Variants in GABRB1 observed in about 807,000 individuals in gnomAD.
The protein encoded by GABRB1 is gamma-aminobutyric acid receptor subunit beta-1.
In GABRB1, 17 loss-of-function variants were observed where a neutral mutation model predicts 51.6. The ratio of observed to expected loss-of-function variants is 0.33; its 90% CI spans 0.23 to 0.49. GABRB1 has a LOEUF of 0.49. Among genes scored for constraint, GABRB1 ranks in the 20% least tolerant of loss-of-function variants. GABRB1 has a pLI of 0.99. For missense variants in GABRB1, 410 were observed against 600.6 expected (o/e 0.68, Z 3.32); for synonymous variants, 247 against 218.9 (o/e 1.13, Z -1.14).
At chr4:47,001,528 C>T (rs1724217976) in intron 1 of GABRB1, among the ~76,000 whole-genome samples, 1 of 152,196 alleles carries the variant, frequency 6.6e-6, no homozygotes. Flanking sequence ...ACAGATTACC[C>T]TCCATAATTT....
chr4:47,171,100 G>A (rs1368629850), intron 4 of GABRB1, among the ~76,000 whole-genome samples: 1 of 152,042 alleles, frequency 6.6e-6, no homozygotes, highest in African/African-American at 2.4e-5. Context: ...AGTTATTACA[G>A]CTATTGTGTG....
chr4:47,199,632 G>C (rs1025152705), intron 4 of GABRB1, among the ~76,000 whole-genome samples: 2 of 152,130 alleles, frequency 1.3e-5, no homozygotes, highest in African/African-American at 4.8e-5. Context: ...GGGCATAGAG[G>C]ATGGAGTTAG....
At chr4:47,233,261 G>A (rs1397427238) in intron 4 of GABRB1, among the ~76,000 whole-genome samples, 1 of 152,044 alleles carries the variant, frequency 6.6e-6, no homozygotes, top group Non-Finnish European at 1.5e-5. Flanking sequence ...TGCTAAAAGA[G>A]TTACTTTTCT....
chr4:47,049,969 C>T (rs28406318), intron 3 of GABRB1, among the ~76,000 whole-genome samples: 2,165 of 152,280 alleles, frequency 0.014, 41 homozygotes, highest in African/African-American at 0.049. Context: ...GGTATTACTA[C>T]TCACTCATAT....
chr4:47,056,112 G>GA (rs1366747600), intron 3 of GABRB1, among the ~76,000 whole-genome samples: 5 of 152,108 alleles, frequency 3.3e-5, no homozygotes, highest in African/African-American at 9.7e-5. Context: ...CTCAGGCTGG[G>GA]AAAAAATTGC....
chr4:47,395,737 CT>C (rs1292263670), intron 5 of GABRB1, among the ~76,000 whole-genome samples: 1 of 152,124 alleles, frequency 6.6e-6, no homozygotes, highest in Non-Finnish European at 1.5e-5. Context: ...GAAAATTTCC[CT>C]TTCATCCTTA....
chr4:47,344,753 T>C (rs7664909), intron 5 of GABRB1, among the ~76,000 whole-genome samples: 57,269 of 151,972 alleles, frequency 0.38, 10,896 homozygotes, highest in South Asian at 0.47. Context: ...GACAGAGTCT[T>C]GCTCTATCCC....
At position 47,031,619 on chromosome 4, in the gene GABRB1, C is replaced by G. The variant is rs1376438565; in HGVS notation, c.-33C>G. Reference sequence around the variant, plus strand: ...CTAAGTTGCATTCCTTGAATCTTCGCAGAAAAGACAATTCTTTTAATCAGA... The same window carrying G: ...CTAAGTTGCATTCCTTGAATCTTCGGAGAAAAGACAATTCTTTTAATCAGA... On this transcript the variant is annotated 5_prime_UTR_variant, in exon 1 of 9. Coordinates refer to ENST00000295454, the MANE Select transcript of GABRB1 (RefSeq NM_000812.4). 6.4e-7 allele frequency: 1 copy of G among 1,560,036 alleles called. No individual in the cohort carries two copies. Among genetic ancestry groups the G allele is most frequent in the Admixed American group, 1.7e-5 (1 of 59,840 alleles).
chr4:47,031,185 C>G (rs943743883), upstream of GABRB1, among the ~76,000 whole-genome samples: 2 of 152,224 alleles, frequency 1.3e-5, no homozygotes, highest in Non-Finnish European at 2.9e-5. Flanking sequence ...CCTCCCGGTG[C>G]CCGCCACAGG....
Position 47,109,052 on chromosome 4 carries a change from T to C in GABRB1, c.241-52197T>C, listed in dbSNP as rs79120730. ...AATGCAATAACATGTGAAAGTTATT[T>C]GACAACATTAAAACACTCTACAAGT... On this transcript the variant is annotated intron_variant, in intron 3 of 8. Coordinates refer to ENST00000295454, the MANE Select transcript of GABRB1 (RefSeq NM_000812.4). Among the ~76,000 whole-genome samples, 919 of 152,190 alleles carry C rather than the reference T, an allele frequency of 6.0e-3. 20 individuals are homozygous for C. In the East Asian group the frequency reaches 0.092, roughly 15 times the overall value.
intron 3 of GABRB1, among the ~76,000 whole-genome samples, chr4:47,119,816 A>G (rs1715685962): frequency 1.3e-5 from 2 of 152,218 alleles, no homozygotes; most frequent in South Asian, 4.1e-4. Flanking sequence ...ACATTTTTAA[A>G]GGGTGTATAA....
intron 5 of GABRB1, among the ~76,000 whole-genome samples, chr4:47,347,234 A>C (rs966781881): frequency 3.3e-5 from 5 of 152,098 alleles, no homozygotes; most frequent in Non-Finnish European, 5.9e-5. Flanking sequence ...ATGAGTCGAG[A>C]TCACGCCACT....
chr4:47,068,546 T>C (rs1054259267), intron 3 of GABRB1, among the ~76,000 whole-genome samples: 3 of 152,196 alleles, frequency 2.0e-5, no homozygotes, highest in Non-Finnish European at 4.4e-5. Context: ...CTAATTTCAG[T>C]ATTTTTGTGT....
At chr4:47,114,030 G>A (rs1272567572) in intron 3 of GABRB1, among the ~76,000 whole-genome samples, 3 of 152,150 alleles carry the variant, frequency 2.0e-5, no homozygotes, top group East Asian at 1.9e-4. Flanking sequence ...TTCTGCTTCC[G>A]TGGTTAGGGT....
chr4:47,276,260 A>G (rs1232759851), intron 4 of GABRB1, among the ~76,000 whole-genome samples: 1 of 152,140 alleles, frequency 6.6e-6, no homozygotes, highest in Non-Finnish European at 1.5e-5. Flanking sequence ...TAAGGAATAA[A>G]GAGCTCAGAA....
upstream of GABRB1, among the ~76,000 whole-genome samples, chr4:47,030,918 C>T (rs75950237): frequency 1.1e-3 from 170 of 152,158 alleles, 1 homozygote; most frequent in African/African-American, 3.9e-3. Context: ...CCCTCATTTC[C>T]CAACCTGGAT....
chr4:47,356,015 G>A (rs1478935516), intron 5 of GABRB1, among the ~76,000 whole-genome samples: 2 of 152,190 alleles, frequency 1.3e-5, no homozygotes, highest in Non-Finnish European at 2.9e-5. Context: ...TGCATAATAA[G>A]CATGCAATGA....
chr4:47,145,121 T>C (rs568340501), intron 3 of GABRB1, among the ~76,000 whole-genome samples: 1 of 152,154 alleles, frequency 6.6e-6, no homozygotes, highest in East Asian at 1.9e-4. Context: ...TAAGGAAATA[T>C]TGAGTATCTC....
At chr4:47,024,109 A>G (rs1038430112) in intron 1 of GABRB1, among the ~76,000 whole-genome samples, 1 of 151,858 alleles carries the variant, frequency 6.6e-6, no homozygotes, top group East Asian at 1.9e-4. Context: ...CATAAATCTT[A>G]GTTTTTGTTG....
Sources: allele counts gnomAD v4.1 joint callset (sites outside exome capture counted in the v4.1 genomes callset), GRCh38; gene constraint gnomAD v4.1.1; transcripts MANE v1.5; gene names NCBI Gene and HGNC (gene_info 2026-07-23, HGNC 2026-07-21).